Variants in DOC2B observed in about 807,000 individuals in gnomAD.
The protein encoded by DOC2B is double C2 domain beta.
A neutral mutation model predicts 28.9 loss-of-function variants in DOC2B; 21 were observed. That is an observed-to-expected ratio of 0.73 (90% confidence interval 0.52 to 1.05). DOC2B has a LOEUF of 1.05. Ranked by LOEUF, DOC2B falls within the 50% of genes least tolerant of loss-of-function variation. The pLI is 0.00. For synonymous variants in DOC2B, 194 were observed against 178.1 expected, an observed-to-expected ratio of 1.09 and a Z score of -0.71; for missense variants, 384 against 421.1, an observed-to-expected ratio of 0.91 and a Z score of 0.77.
chr17:181,456 C>A lies in DOC2B; in HGVS notation c.24G>T (p.Glu8Asp), dbSNP rs757239970. ...GCTCCTGGATGCTGATGGTCGCCTT[C>A]TCCCCGCGCCGCCGGAGGGTCATGC... is the stretch of plus-strand genomic sequence containing the variant. MTLRRRG[E>D]KATISIQEHM... Residue 8 changes from glutamate to aspartate, a missense_variant, in exon 1 of 9, where the codon GAG becomes GAT. Glu to Asp is a conservative substitution (Grantham distance 45). Transcript: ENST00000613549. The surrounding 1 kb of genome is among the most constrained non-coding windows in gnomAD (Gnocchi z 7.0). The A allele has an allele frequency of 8.8e-7, 1 of 1,135,008 alleles. No individual in the cohort carries two copies. The highest frequency in any genetic ancestry group is 1.1e-6 in the Non-Finnish European group (1 of 914,840). 70.3% of individuals were successfully genotyped at this position (1,135,008 alleles called of 1,614,324 possible).
intron 6 of DOC2B, among the ~76,000 whole-genome samples, chr17:152,993 C>T (rs976034141): frequency 2.6e-5 from 4 of 152,100 alleles, no homozygotes; most frequent in African/African-American, 7.2e-5. Flanking sequence ...GAGGAAGAGG[C>T]CCCTGGTCCA....
intron 2 of DOC2B, among the ~76,000 whole-genome samples, chr17:166,394 G>C (rs1387953010): frequency 6.6e-6 from 1 of 152,258 alleles, no homozygotes; most frequent in Admixed American, 6.5e-5. Flanking sequence ...CTGCTAGTGG[G>C]GCCCTTGGGC....
In DOC2B at chr17:156,220, G is replaced by A. The variant is rs771684803; in HGVS notation, c.923C>T (p.Thr308Ile). 3.9e-5 allele frequency: 60 copies of A among 1,548,142 alleles called. No individual in the cohort carries two copies. The highest frequency in any genetic ancestry group is 1.2e-4 in the African/African-American group (9 of 72,976). ...GTGGTCACGCGCACGGCACACTCAC[G>A]TTTTCACGTAGGGGTCCGAGTAGCC... ...ANGYSDPYVKTYLRPDVDKKS... is the reference protein window; with the variant it reads ...ANGYSDPYVKIYLRPDVDKKS... The change falls in exon 6 of 9, where the codon ACA (threonine) becomes ATA (isoleucine). Residue 308 changes from threonine to isoleucine, a missense_variant and splice_region_variant. Physicochemically the swap from Thr to Ile is moderately conservative, Grantham distance 89 (BLOSUM62 -1). Transcript: ENST00000613549.
At position 149,157 on chromosome 17, in the gene DOC2B, T is replaced by C. The variant is rs2040046171; in HGVS notation, c.959A>G (p.His320Arg). 1 of 400,110 alleles carries C rather than the reference T, an allele frequency of 2.5e-6. No homozygotes were observed. 24.8% of individuals were successfully genotyped at this position (400,110 alleles called of 1,614,324 possible). Residue 320 changes from histidine to arginine, a missense_variant, in exon 7 of 9, where the codon CAT (histidine) becomes CGT (arginine). Physicochemically the swap from His to Arg is conservative, Grantham distance 29 (BLOSUM62 0). Coordinates refer to ENST00000613549, the MANE Select transcript of DOC2B (RefSeq NM_003585.5). ...LRPDVDKKSK[H>R]KTAVKKKTLN... ...GGTTTTTTTCTTCACCGCTGTCTTA[T>C]GTTTGGATTTCTTGTCCACATCTGG...
At chr17:162,235 A>G (rs960369212) in intron 3 of DOC2B, 45 bp from the exon 4 acceptor site, 7 of 1,426,774 alleles carry the variant, frequency 4.9e-6, no homozygotes, top group Non-Finnish European at 5.8e-6. Context: ...AGTGTGTATC[A>G]AACAGAACAA....
At chr17:159,857 T>C (rs568751522) in intron 5 of DOC2B, among the ~76,000 whole-genome samples, 1 of 148,338 alleles carries the variant, frequency 6.7e-6, no homozygotes, top group Non-Finnish European at 1.5e-5. Context: ...CATATGCTCT[T>C]ACACACAATT....
intron 1 of DOC2B, among the ~76,000 whole-genome samples, chr17:179,398 C>CAAAAAAAAA (rs770987974): frequency 0.59 from 80,253 of 136,170 alleles, 24,349 homozygotes; most frequent in East Asian, 0.75. Context: ...TCAGAGACAG[C>CAAAAAAAAA]AAAAAAAAGA....
chr17:158,955 A>T (rs2040167589), intron 5 of DOC2B, among the ~76,000 whole-genome samples: 1 of 149,746 alleles, frequency 6.7e-6, no homozygotes, highest in South Asian at 2.1e-4. Context: ...GAGGCAGAAG[A>T]ATCACTTGAA....
intron 2 of DOC2B, among the ~76,000 whole-genome samples, chr17:169,519 T>C (rs2040287889): frequency 6.6e-6 from 1 of 151,886 alleles, no homozygotes; most frequent in African/African-American, 2.4e-5. Flanking sequence ...AAAAAAGTGG[T>C]TGAGGTGGGA....
chr17:175,938 C>T (rs1253885599), intron 1 of DOC2B, among the ~76,000 whole-genome samples: 1 of 152,216 alleles, frequency 6.6e-6, no homozygotes, highest in African/African-American at 2.4e-5. Context: ...CAGGAAGGGA[C>T]TGATGAATTT....
rs557929017 is a variant in DOC2B, at chr17:157,734, G to A, written c.766-1357C>T. ...GCTGGGATTACAGGTATGAGCCACC[G>A]CATCCAGATAATACCTGCGTCATCT... On this transcript the variant is annotated intron_variant, in intron 5 of 8. Coordinates refer to ENST00000613549, the MANE Select transcript of DOC2B (RefSeq NM_003585.5). 5.9e-5 allele frequency among the ~76,000 whole-genome samples: 9 copies of A among 152,264 alleles called. No homozygotes were observed. In the South Asian group the frequency reaches 1.2e-3, roughly 21 times the overall value.
chr17:179,246 C>T (rs917990298), intron 1 of DOC2B, among the ~76,000 whole-genome samples: 1 of 152,170 alleles, frequency 6.6e-6, no homozygotes, highest in Non-Finnish European at 1.5e-5. Flanking sequence ...GAGTCTGGCC[C>T]CTGCACCGCA....
intron 3 of DOC2B, 55 bp downstream of exon 3, chr17:164,075 G>C (rs2040234163): frequency 7.2e-7 from 1 of 1,393,504 alleles, no homozygotes; most frequent in African/African-American, 1.4e-5. Flanking sequence ...AGAGTGCATT[G>C]CCTGAGGTGG....
chr17:174,193 G>C (rs1278182871), intron 1 of DOC2B, among the ~76,000 whole-genome samples: 1 of 152,222 alleles, frequency 6.6e-6, no homozygotes, highest in African/African-American at 2.4e-5. Flanking sequence ...ACATGTCTCT[G>C]TCTTCGCAGC....
At chr17:154,407 C>T (rs1366763713) in intron 6 of DOC2B, among the ~76,000 whole-genome samples, 12 of 150,870 alleles carry the variant, frequency 8.0e-5, no homozygotes, top group African/African-American at 2.9e-4. Flanking sequence ...ATTCCACGCA[C>T]CTGCTACACT....
intron 4 of DOC2B, 52 bp downstream of exon 4, chr17:162,029 G>T (rs565350200): frequency 2.3e-5 from 30 of 1,294,546 alleles, no homozygotes; most frequent in Non-Finnish European, 3.1e-5. Flanking sequence ...AGGAAAAGCC[G>T]GGTGGGAGTA....
intron 2 of DOC2B, among the ~76,000 whole-genome samples, chr17:169,203 G>A (rs1026268463): frequency 2.0e-5 from 3 of 152,184 alleles, no homozygotes; most frequent in Admixed American, 6.5e-5. Flanking sequence ...GACATTCTGC[G>A]GAGTGAAAGA....
rs947533481 is a variant in DOC2B, at chr17:144,971, G to T, written c.*2470C>A. On this transcript the variant is annotated 3_prime_UTR_variant, in exon 9 of 9. Transcript: ENST00000613549. The stretch of plus-strand genomic sequence containing the variant: ...TGAATGAGACCCCCAAAAAAGCAAA[G>T]CTAAGAAGATACCCAGAGCTTAACT... The T allele has an allele frequency of 6.6e-6, 1 of 152,178 alleles. No individual in the cohort carries two copies. The highest frequency in any genetic ancestry group is 6.5e-5 in the Admixed American group (1 of 15,282). The allele number at this position is 152,178 out of a possible 1,614,324, so 9.4% of individuals were successfully genotyped here. A position where few individuals can be genotyped will look rare whatever the true frequency, so the allele number is the denominator to read the frequency against.
intron 1 of DOC2B, among the ~76,000 whole-genome samples, chr17:176,327 C>T (rs1271824661): frequency 6.6e-6 from 1 of 151,848 alleles, no homozygotes; most frequent in Non-Finnish European, 1.5e-5. Context: ...GGACTACAGG[C>T]GCCCACCACC....
Sources: allele counts gnomAD v4.1 joint callset (sites outside exome capture counted in the v4.1 genomes callset), GRCh38; gene constraint gnomAD v4.1.1; non-coding constraint Gnocchi (gnomAD v3.1); transcripts MANE v1.5; gene names NCBI Gene and HGNC (gene_info 2026-07-23, HGNC 2026-07-21).